The following AGO3 variants were observed in gnomAD, a reference collection of about 807,000 sequenced individuals.
The protein encoded by AGO3 is argonaute RISC catalytic component 3.
AGO3 carries 16 observed loss-of-function variants against 105.5 expected under a neutral mutation model. The observed-to-expected ratio is 0.15, with a 90% confidence interval of 0.10 to 0.23. The LOEUF is 0.23. AGO3 is among the 10% of genes least tolerant of loss of function. The pLI, the probability that AGO3 is intolerant of heterozygous loss-of-function variation, is 1.00. For synonymous variants in AGO3, 340 were observed against 367.3 expected (o/e 0.93, Z 0.85); for missense variants, 534 against 1,088.0 (o/e 0.49, Z 7.16).
chr1:36,047,748 G>A (rs907267944), intron 17 of AGO3, among the ~76,000 whole-genome samples: 1 of 152,030 alleles, frequency 6.6e-6, no homozygotes, highest in Admixed American at 6.6e-5. Flanking sequence ...AGGCATGGTG[G>A]CATGCACCTG....
chr1:35,955,905 T>A (rs1019456597), intron 2 of AGO3, among the ~76,000 whole-genome samples: 2 of 152,132 alleles, frequency 1.3e-5, no homozygotes, highest in Non-Finnish European at 2.9e-5. Context: ...TTAACTCTTA[T>A]GTGTTGCAGA....
At chr1:36,018,345 GC>G (rs139402479) in intron 11 of AGO3, among the ~76,000 whole-genome samples, 111,189 of 151,408 alleles carry the variant, frequency 0.73, 44,060 homozygotes, top group Non-Finnish European at 0.91. Context: ...TGATTATGAA[GC>G]AAAAAAGGTA....
rs1643169553 is a variant in AGO3, at chr1:36,071,741, T to C, written c.*15996T>C. On this transcript the variant is annotated 3_prime_UTR_variant, in exon 19 of 19. Transcript: ENST00000373191. Reference sequence around the variant, plus strand: ...TAAAATCTTCGGCTACACAGTAACATCAATTAAAACAGAAGAGTGAGTCTA... The same window carrying C: ...TAAAATCTTCGGCTACACAGTAACACCAATTAAAACAGAAGAGTGAGTCTA... 1 of 152,200 alleles carries C rather than the reference T, an allele frequency of 6.6e-6. No homozygotes were observed. The highest frequency in any genetic ancestry group is 2.1e-4 in the South Asian group (1 of 4,832). 9.4% of individuals were successfully genotyped at this position (152,200 alleles called of 1,614,324 possible).
chr1:35,982,022 A>G (rs995980436), intron 5 of AGO3, among the ~76,000 whole-genome samples: 4 of 152,110 alleles, frequency 2.6e-5, no homozygotes, highest in Non-Finnish European at 4.4e-5. Context: ...TTTGTTTTTA[A>G]CATTGTTTTT....
intron 10 of AGO3, 71 bp from the exon 11 acceptor site, chr1:36,013,844 G>A: frequency 6.2e-7 from 1 of 1,601,256 alleles, no homozygotes; most frequent in Non-Finnish European, 8.5e-7. Flanking sequence ...TCAGCGATTT[G>A]AAATGTTTAC....
intron 2 of AGO3, among the ~76,000 whole-genome samples, chr1:35,958,380 T>TA (rs1247036322): frequency 0.01 from 1,498 of 145,422 alleles, 22 homozygotes; most frequent in African/African-American, 0.033. Flanking sequence ...GACTCCATAA[T>TA]AAAAAAAAAA....
At chr1:35,991,656 G>A (rs894996714) in intron 5 of AGO3, among the ~76,000 whole-genome samples, 3 of 151,334 alleles carry the variant, frequency 2.0e-5, no homozygotes, top group Admixed American at 6.6e-5. Flanking sequence ...TCAGAAATTC[G>A]AAAGCATCAC....
Position 36,027,074 on chromosome 1 carries a change from ACT to A in AGO3, c.1407-39_1407-38del, listed in dbSNP as rs749691049. The stretch of plus-strand genomic sequence containing the variant: ...CATTACTACTTTGTAGGAATTCATG[ACT>A]AGACAAAGGTTTTATATTTAGTGGT... On this transcript the variant is annotated intron_variant, in intron 11 of 18. Coordinates refer to ENST00000373191, the MANE Select transcript of AGO3 (RefSeq NM_024852.4). This position sits in a 1 kb window ranked among gnomAD's most constrained non-coding sequence, Gnocchi z 4.0. The A allele has an allele frequency of 1.7e-5, 27 of 1,564,610 alleles. No homozygotes were observed. In the Middle Eastern group the frequency reaches 6.9e-4, roughly 40 times the overall value.
chr1:35,991,010 A>G (rs550770621), intron 5 of AGO3, among the ~76,000 whole-genome samples: 2 of 152,244 alleles, frequency 1.3e-5, no homozygotes, highest in South Asian at 4.1e-4. Flanking sequence ...CACATTAGAA[A>G]AACAGTATAA....
At position 36,060,396 on chromosome 1, in the gene AGO3, G is replaced by A. The variant is rs1569975167; in HGVS notation, c.*4651G>A. ...GAAAGGGTGAGCGCTAAGCATGCCAGTGATGGATCCGAAGTATTTAGATGG... is the reference window on the plus strand; with the variant it reads ...GAAAGGGTGAGCGCTAAGCATGCCAATGATGGATCCGAAGTATTTAGATGG... On this transcript the variant is annotated 3_prime_UTR_variant, in exon 19 of 19. Transcript: ENST00000373191. The A allele has an allele frequency of 6.6e-6, 1 of 152,242 alleles. No individual in the cohort carries two copies. The highest frequency in any genetic ancestry group is 1.5e-5 in the Non-Finnish European group (1 of 68,048). The allele number at this position is 152,242 out of a possible 1,614,324, so 9.4% of individuals were successfully genotyped here.
At chr1:36,015,007 G>A (rs1306573947) in intron 11 of AGO3, among the ~76,000 whole-genome samples, 3 of 152,016 alleles carry the variant, frequency 2.0e-5, no homozygotes, top group Non-Finnish European at 4.4e-5. Context: ...TTCTGCAGTG[G>A]ACACCAGCTG....
At position 36,018,606 on chromosome 1, in the gene AGO3, G is replaced by A. The variant is rs372032922; in HGVS notation, c.1406+4558G>A. On this transcript the variant is annotated intron_variant, in intron 11 of 18. Transcript: ENST00000373191. Reference sequence around the variant, plus strand: ...TGCCACCATGCCTGGCTAATTTTTTGTATTTTAGTAGAGATGGGGTTTCAC... The same window carrying A: ...TGCCACCATGCCTGGCTAATTTTTTATATTTTAGTAGAGATGGGGTTTCAC... 3.4e-4 allele frequency among the ~76,000 whole-genome samples: 51 copies of A among 151,950 alleles called. 2 individuals are homozygous for A. In the South Asian group the frequency reaches 0.01, roughly 30 times the overall value.
At chr1:36,002,266 C>A (rs1487683662) in intron 5 of AGO3, among the ~76,000 whole-genome samples, 1 of 151,360 alleles carries the variant, frequency 6.6e-6, no homozygotes, top group Non-Finnish European at 1.5e-5. Flanking sequence ...GATCAATGCA[C>A]CTTGGGCTCC....
chr1:35,931,832 A>G (rs1378349944), intron 1 of AGO3, among the ~76,000 whole-genome samples: 1 of 152,156 alleles, frequency 6.6e-6, no homozygotes, highest in Non-Finnish European at 1.5e-5. Flanking sequence ...CCTACCTCTT[A>G]GGATAGTTGT....
Position 35,973,357 on chromosome 1 carries a change from C to A in AGO3, c.522-18C>A, listed in dbSNP as rs1646902030. The A allele has an allele frequency of 2.0e-6, 3 of 1,474,502 alleles. No homozygotes were observed. The highest frequency in any genetic ancestry group is 1.4e-5 in the African/African-American group (1 of 71,104). The allele number at this position is 1,474,502 out of a possible 1,614,324, so 91.3% of individuals were successfully genotyped here. A position where few individuals can be genotyped will look rare whatever the true frequency, so the allele number is the denominator to read the frequency against. On this transcript the variant is annotated intron_variant, in intron 4 of 18. Transcript: ENST00000373191. ...CATGAGAAGGAAAGGATTGAACATGCCATTTTAATTTTTGTAGATACACAC... is the reference window on the plus strand; with the variant it reads ...CATGAGAAGGAAAGGATTGAACATGACATTTTAATTTTTGTAGATACACAC...
intron 2 of AGO3, among the ~76,000 whole-genome samples, chr1:35,952,114 T>G (rs748453517): frequency 2.3e-3 from 20 of 8,806 alleles, no homozygotes; most frequent in Non-Finnish European, 4.6e-3. Flanking sequence ...GGGTCGGTCT[T>G]TCTTTCTTTC....
chr1:35,993,906 C>T lies in AGO3; in HGVS notation c.659-10435C>T, dbSNP rs948309471. Reference sequence around the variant, plus strand: ...GGGTCTACAGGCATGCACCACCATGCCCGGCTAATTTTTGTTTTTAGTAGA... The same window carrying T: ...GGGTCTACAGGCATGCACCACCATGTCCGGCTAATTTTTGTTTTTAGTAGA... On this transcript the variant is annotated intron_variant, in intron 5 of 18. Coordinates refer to ENST00000373191, the MANE Select transcript of AGO3 (RefSeq NM_024852.4). Among the ~76,000 whole-genome samples the T allele has an allele frequency of 2.0e-4, 30 of 151,420 alleles. 1 individual carries two copies. The highest frequency in any genetic ancestry group is 1.8e-3 in the Admixed American group (28 of 15,176).
chr1:35,978,384 G>A (rs2148780737), intron 5 of AGO3, among the ~76,000 whole-genome samples: 1 of 152,168 alleles, frequency 6.6e-6, no homozygotes, highest in Non-Finnish European at 1.5e-5. Flanking sequence ...TAGAGATGGG[G>A]TTTCACCATG....
intron 14 of AGO3, among the ~76,000 whole-genome samples, chr1:36,036,975 T>G (rs1642039662): frequency 6.6e-6 from 1 of 152,114 alleles, no homozygotes; most frequent in Non-Finnish European, 1.5e-5. Flanking sequence ...AGATTACAGG[T>G]GTGAGCTACC....
Sources: allele counts gnomAD v4.1 joint callset (sites outside exome capture counted in the v4.1 genomes callset), GRCh38; gene constraint gnomAD v4.1.1; non-coding constraint Gnocchi (gnomAD v3.1); transcripts MANE v1.5; gene names NCBI Gene and HGNC (gene_info 2026-07-23, HGNC 2026-07-21).